The following ALDH1A2 variants were observed in gnomAD, a reference collection of about 807,000 sequenced individuals.
ALDH1A2 encodes retinal dehydrogenase 2.
ALDH1A2 carries 27 observed loss-of-function variants against 60.3 expected under a neutral mutation model. That is an observed-to-expected ratio of 0.45 (90% CI 0.33 to 0.62). The LOEUF is 0.62. ALDH1A2 is among the 20% of genes least tolerant of loss of function. The probability of loss-of-function intolerance (pLI) is 0.02; values close to 1 mark genes in which losing one functional copy is unlikely to be tolerated. For missense variants in ALDH1A2, 581 were observed against 643.8 expected, an observed-to-expected ratio of 0.90 and a Z score of 1.06; for synonymous variants, 289 against 232.4, an observed-to-expected ratio of 1.24 and a Z score of -2.21.
intron 1 of ALDH1A2, among the ~76,000 whole-genome samples, chr15:58,017,296 T>C (rs1304579537): frequency 1.3e-5 from 2 of 152,172 alleles, no homozygotes; most frequent in African/African-American, 4.8e-5. Context: ...GTTGATAAAA[T>C]TTACTTGATA....
intron 1 of ALDH1A2, among the ~76,000 whole-genome samples, chr15:58,043,434 C>T (rs1486443811): frequency 6.6e-6 from 1 of 151,952 alleles, no homozygotes; most frequent in African/African-American, 2.4e-5. Context: ...GAAAGTGTAT[C>T]AGAAGTTCTG....
intron 1 of ALDH1A2, among the ~76,000 whole-genome samples, chr15:58,030,862 C>T (rs1332153886): frequency 1.3e-5 from 2 of 152,124 alleles, no homozygotes; most frequent in Non-Finnish European, 2.9e-5. Context: ...CTACAAACCA[C>T]TGCTCAACAA....
At chr15:58,004,704 C>T (rs1822206) in intron 4 of ALDH1A2, among the ~76,000 whole-genome samples, 131,799 of 147,440 alleles carry the variant, frequency 0.89, 59,689 homozygotes, top group South Asian at 0.98. Context: ...TGTGTGTGTG[C>T]GTGTGTGTGT....
chr15:57,975,194 C>T (rs1315594873), intron 7 of ALDH1A2, among the ~76,000 whole-genome samples: 1 of 149,918 alleles, frequency 6.7e-6, no homozygotes, highest in Non-Finnish European at 1.5e-5. Flanking sequence ...CATTCCATTC[C>T]TAGGTATTTA....
chr15:57,974,432 CAAAAA>C (rs61170362), intron 7 of ALDH1A2, among the ~76,000 whole-genome samples: 1 of 96,722 alleles, frequency 1.0e-5, no homozygotes, highest in African/African-American at 4.5e-5. Context: ...GACTCCATCT[CAAAAA>C]AAAAAAAAAA....
At chr15:57,995,699 G>A (rs912434790) in intron 4 of ALDH1A2, among the ~76,000 whole-genome samples, 1 of 151,992 alleles carries the variant, frequency 6.6e-6, no homozygotes, top group Non-Finnish European at 1.5e-5. Flanking sequence ...ATTTAAAGAA[G>A]GTAAAAGTCC....
intron 1 of ALDH1A2, among the ~76,000 whole-genome samples, chr15:58,062,423 A>ATAT (rs1226586126): frequency 3.3e-5 from 5 of 152,166 alleles, no homozygotes; most frequent in Admixed American, 2.0e-4. Context: ...CTGTTAAGAG[A>ATAT]TATCCCCTGC....
intron 1 of ALDH1A2, among the ~76,000 whole-genome samples, chr15:58,025,812 T>C (rs1162581636): frequency 6.6e-6 from 1 of 152,198 alleles, no homozygotes; most frequent in Non-Finnish European, 1.5e-5. Context: ...GAAGCAGGTG[T>C]GTTACATGGT....
chr15:58,049,237 TC>T (rs1896712319), intron 1 of ALDH1A2, among the ~76,000 whole-genome samples: 1 of 152,060 alleles, frequency 6.6e-6, no homozygotes, highest in African/African-American at 2.4e-5. Flanking sequence ...TGTCCTAAGA[TC>T]CAGTTGTGCC....
chr15:57,981,965 G>A (rs1195752663), intron 7 of ALDH1A2, among the ~76,000 whole-genome samples: 3 of 152,214 alleles, frequency 2.0e-5, no homozygotes, highest in Non-Finnish European at 4.4e-5. Flanking sequence ...ACGACTTCCT[G>A]TGGTGTCATC....
intron 3 of ALDH1A2, chr15:58,012,123 C>T (rs1231494619): frequency 6.6e-6 from 1 of 152,066 alleles, no homozygotes; most frequent in Non-Finnish European, 1.5e-5. Flanking sequence ...ACAGGAATCT[C>T]ATTTAGGTGT....
At chr15:58,048,767 C>G (rs140446962) in intron 1 of ALDH1A2, among the ~76,000 whole-genome samples, 3 of 152,102 alleles carry the variant, frequency 2.0e-5, no homozygotes, top group Admixed American at 6.6e-5. Context: ...ATGACTAACA[C>G]CTGAGCTGAG....
At chr15:58,016,872 A>G (rs1257219708) in intron 1 of ALDH1A2, among the ~76,000 whole-genome samples, 2 of 152,238 alleles carry the variant, frequency 1.3e-5, no homozygotes, top group African/African-American at 4.8e-5. Context: ...AAAGAAGTCT[A>G]GAGATGCCAT....
At chr15:58,055,784 TAACAA>T (rs1896880105) in intron 1 of ALDH1A2, among the ~76,000 whole-genome samples, 2 of 152,114 alleles carry the variant, frequency 1.3e-5, no homozygotes, top group Admixed American at 1.3e-4. Flanking sequence ...GTTAAAATGT[TAACAA>T]AATAAGAAGT....
intron 7 of ALDH1A2, among the ~76,000 whole-genome samples, chr15:57,989,779 A>G (rs1310444515): frequency 6.6e-6 from 1 of 152,208 alleles, no homozygotes; most frequent in Non-Finnish European, 1.5e-5. Context: ...TTCATTTATA[A>G]ACAAACAACC....
At chr15:57,993,658 T>C (rs1894965072) in intron 5 of ALDH1A2, among the ~76,000 whole-genome samples, 1 of 152,214 alleles carries the variant, frequency 6.6e-6, no homozygotes, top group Non-Finnish European at 1.5e-5. Context: ...AAAGAAGCTA[T>C]TGGAGACTAC....
chr15:58,008,015 C>T (rs1895513734), intron 4 of ALDH1A2, among the ~76,000 whole-genome samples: 1 of 152,060 alleles, frequency 6.6e-6, no homozygotes, highest in African/African-American at 2.4e-5. Flanking sequence ...ACATTGTTGG[C>T]TGAATTCTAA....
intron 7 of ALDH1A2, 32 bp downstream of exon 7, chr15:57,992,673 G>A: frequency 6.3e-7 from 1 of 1,593,036 alleles, no homozygotes; most frequent in Non-Finnish European, 8.6e-7. Context: ...TTGCAAGACT[G>A]TTCCTCAAGC....
rs192571469 is a variant in ALDH1A2 at position 57,963,707 on chromosome 15, G to C, written c.1086+178C>G. Among the ~76,000 whole-genome samples the C allele has an allele frequency of 3.3e-3, 504 of 152,272 alleles. 4 individuals are homozygous for C. The highest frequency in any genetic ancestry group is 0.012 in the African/African-American group (483 of 41,542). On this transcript the variant is annotated intron_variant, in intron 9 of 12. Coordinates refer to ENST00000249750, the MANE Select transcript of ALDH1A2 (RefSeq NM_003888.4). ...GAGATAAAACTTAGAAAGGGACAGA[G>C]AAGCATAAGAAATAAGCAATCCCTC... is the stretch of plus-strand genomic sequence containing the variant.
Sources: gnomAD v4.1 joint callset for allele counts (sites outside exome capture counted in the v4.1 genomes callset) on GRCh38, gnomAD v4.1.1 for gene constraint, MANE v1.5 for transcripts, NCBI Gene and HGNC (gene_info 2026-07-23, HGNC 2026-07-21) for gene names.